MEIOSIN: variants seen among roughly 807,000 people sequenced by gnomAD.
MEIOSIN encodes meiosis initiator, also known as meiosis initiator protein.
In MEIOSIN, 18 loss-of-function variants were observed where a neutral mutation model predicts 23.4. That is an observed-to-expected ratio of 0.77 (90% CI 0.53 to 1.14). The LOEUF is 1.14. Among genes scored for constraint, MEIOSIN ranks in the 50% most tolerant of loss-of-function variants. MEIOSIN has a pLI of 0.00. For missense variants in MEIOSIN, 428 were observed against 242.9 expected (o/e 1.76, Z -5.07); for synonymous variants, 187 against 100.6 (o/e 1.86, Z -5.14).
At chr19:45,749,390 A>G (rs1255132333) in intron 4 of MEIOSIN, among the ~76,000 whole-genome samples, 1 of 146,862 alleles carries the variant, frequency 6.8e-6, no homozygotes, top group Non-Finnish European at 1.5e-5. Flanking sequence ...AAAAAAAAAA[A>G]AAAGGCCGAG....
chr19:45,744,117 C>T (rs1468228882), intron 3 of MEIOSIN, among the ~76,000 whole-genome samples: 1 of 151,572 alleles, frequency 6.6e-6, no homozygotes, highest in East Asian at 1.9e-4. Flanking sequence ...GCTTCCGCCT[C>T]TCAGGTTCAA....
At chr19:45,761,097 A>T (rs574646710) in intron 11 of MEIOSIN, among the ~76,000 whole-genome samples, 2 of 150,188 alleles carry the variant, frequency 1.3e-5, no homozygotes, top group African/African-American at 2.5e-5. Context: ...CTGGTTTTTT[A>T]AATTATTTTT....
intron 3 of MEIOSIN, among the ~76,000 whole-genome samples, chr19:45,741,051 C>T (rs1365305438): frequency 6.6e-6 from 1 of 151,950 alleles, no homozygotes; most frequent in Non-Finnish European, 1.5e-5. Flanking sequence ...TCCCCTTCTT[C>T]CATAGAAAAA....
chr19:45,755,629 A>G (rs1265789568), intron 7 of MEIOSIN, among the ~76,000 whole-genome samples: 3 of 151,792 alleles, frequency 2.0e-5, no homozygotes, highest in African/African-American at 7.3e-5. Flanking sequence ...TTGTATTTTT[A>G]GTAGAGACGG....
At chr19:45,750,638 C>G in intron 4 of MEIOSIN, 37 bp from the exon 5 acceptor site, 1 of 514,818 alleles carries the variant, frequency 1.9e-6, no homozygotes, top group Non-Finnish European at 3.5e-6. Flanking sequence ...TGATTACAGG[C>G]GTGAGCCTGG....
At position 45,745,319 on chromosome 19, in the gene MEIOSIN, A is replaced by C. The variant is rs1251076378; in HGVS notation, c.304A>C (p.Lys102Gln). The change falls in exon 4 of 15, where the codon AAG becomes CAG. Residue 102 changes from lysine to glutamine, a missense_variant and splice_region_variant. Lys to Gln is a moderately conservative substitution (Grantham distance 53). Transcript: ENST00000457052. Reference protein sequence around the residue: ...ALKTGTKKLTKKEILVHVLQY... With the variant: ...ALKTGTKKLTQKEILVHVLQY... ...GAAGACGGGGACCAAGAAGCTCACA[A>C]AGGTACAGGGACTAGAGGAGAGGGG... is the stretch of plus-strand genomic sequence containing the variant. 2 of 702,736 alleles carry C rather than the reference A, an allele frequency of 2.8e-6. No individual in the cohort carries two copies. Among genetic ancestry groups the C allele is most frequent in the African/African-American group, 3.5e-5 (2 of 57,210 alleles). The allele number at this position is 702,736 out of a possible 1,614,324, so 43.5% of individuals were successfully genotyped here.
chr19:45,758,160 A>AT (rs1968868153), intron 9 of MEIOSIN, among the ~76,000 whole-genome samples: 1 of 151,556 alleles, frequency 6.6e-6, no homozygotes, highest in African/African-American at 2.4e-5. Context: ...CGCCTAGCAA[A>AT]TTTTTATATT....
intron 3 of MEIOSIN, among the ~76,000 whole-genome samples, chr19:45,744,217 G>A (rs148412205): frequency 0.026 from 3,940 of 148,794 alleles, 168 homozygotes; most frequent in African/African-American, 0.092. Flanking sequence ...ATGGGTTTTT[G>A]CCATGTTGGC....
chr19:45,761,800 G>GCTCCAGCTCCAT lies in MEIOSIN; in HGVS notation c.1378_1379insTCTCCAGCTCCA (p.Ser459_Ser460insIleSerSerSer). The GCTCCAGCTCCAT allele has an allele frequency of 1.4e-6, 1 of 696,318 alleles. No homozygotes were observed. Among genetic ancestry groups the GCTCCAGCTCCAT allele is most frequent in the South Asian group, 1.5e-5 (1 of 66,456 alleles). The allele number at this position is 696,318 out of a possible 1,614,324, so 43.1% of individuals were successfully genotyped here. On this transcript the variant is annotated inframe_insertion, in exon 12 of 15. Transcript: ENST00000457052. Reference sequence around the variant, plus strand: ...AACAGCAAGGCGCCATCCAGCTCCAGCTCCAGCTCCAGCTCCAGCTCCAGC... The same window carrying GCTCCAGCTCCAT: ...AACAGCAAGGCGCCATCCAGCTCCAGCTCCAGCTCCATCTCCAGCTCCAGCTCCAGCTCCAGC...
intron 8 of MEIOSIN, among the ~76,000 whole-genome samples, chr19:45,756,943 T>G (rs1968841953): frequency 6.6e-6 from 1 of 152,172 alleles, no homozygotes; most frequent in African/African-American, 2.4e-5. Context: ...TCCCTCAGGC[T>G]GAGCCCACTG....
intron 8 of MEIOSIN, 54 bp downstream of exon 8, chr19:45,756,132 G>C (rs970055461): frequency 1.0e-5 from 7 of 697,312 alleles, no homozygotes; most frequent in Non-Finnish European, 1.8e-5. Flanking sequence ...TTGGTCTGGC[G>C]TGGGTGAGGG....
Position 45,757,289 on chromosome 19 carries a change from T to A in MEIOSIN, c.1012+12T>A, listed in dbSNP as rs763162670. ...GAACAGCCCCCAAGGTGACTGCAAC[T>A]CTGTCTCTCCTCCTTGTAGGCTGGT... On this transcript the variant is annotated intron_variant, in intron 9 of 14. Coordinates refer to ENST00000457052, the MANE Select transcript of MEIOSIN (RefSeq NM_001310124.2). 1.6e-5 allele frequency: 11 copies of A among 701,436 alleles called. No homozygotes were observed. The highest frequency in any genetic ancestry group is 2.3e-4 in the Middle Eastern group (1 of 4,364). The allele number at this position is 701,436 out of a possible 1,614,324, so 43.5% of individuals were successfully genotyped here. A position where few individuals can be genotyped will look rare whatever the true frequency, so the allele number is the denominator to read the frequency against.
rs1251615907 is a variant in MEIOSIN, at chr19:45,762,139, C to T, written c.1635C>T (p.Asn545=). The T allele has an allele frequency of 2.6e-5, 11 of 428,460 alleles. No individual in the cohort carries two copies. The highest frequency in any genetic ancestry group is 4.1e-5 in the Non-Finnish European group (10 of 244,034). 26.5% of individuals were successfully genotyped at this position (428,460 alleles called of 1,614,324 possible). ...CPPQMKKKCV[N]GFIMFCRMNR... is the part of the protein sequence containing the mutation. ...CCCAGATGAAGAAGAAGTGTGTCAA[C>T]GGCTTCATCATGTTCTGCAGGATGA... Residue 545 remains asparagine, a synonymous_variant, in exon 13 of 15, where the codon AAC becomes AAT. Coordinates refer to ENST00000457052, the MANE Select transcript of MEIOSIN (RefSeq NM_001310124.2).
chr19:45,734,565 G>A (rs1968378517), intron 1 of MEIOSIN, among the ~76,000 whole-genome samples: 1 of 150,334 alleles, frequency 6.7e-6, no homozygotes, highest in African/African-American at 2.4e-5. Flanking sequence ...GTGCAGTAGT[G>A]CGATTTTAGC....
chr19:45,760,670 T>C (rs1292615619), intron 11 of MEIOSIN, among the ~76,000 whole-genome samples: 1 of 151,990 alleles, frequency 6.6e-6, no homozygotes, highest in Non-Finnish European at 1.5e-5. Flanking sequence ...GGCTCATGCC[T>C]ATACTTCTAG....
At chr19:45,741,167 G>A (rs557362597) in intron 3 of MEIOSIN, among the ~76,000 whole-genome samples, 1 of 152,174 alleles carries the variant, frequency 6.6e-6, no homozygotes, top group Admixed American at 6.6e-5. Flanking sequence ...GGCCAACATG[G>A]TGAAACCCCG....
In MEIOSIN at chr19:45,754,634, T is replaced by A; in HGVS notation, c.712T>A (p.Ser238Thr). 1 of 703,102 alleles carries A rather than the reference T, an allele frequency of 1.4e-6. No individual in the cohort carries two copies. The highest frequency in any genetic ancestry group is 2.6e-6 in the Non-Finnish European group (1 of 385,026). 43.6% of individuals were successfully genotyped at this position (703,102 alleles called of 1,614,324 possible). Residue 238 changes from serine (S) to threonine (T), a missense_variant, in exon 7 of 15, where the codon TCA (serine) becomes ACA (threonine). Ser to Thr is a moderately conservative substitution (Grantham distance 58). Transcript: ENST00000457052. ...CTCCTGCGGTCACCCGAGGCCTGCA[T>A]CATCCTCACCTCCAGGTGACAGAAA... ...PDSCGHPRPA[S>T]SSPPGDRKGG...
chr19:45,761,367 C>T (rs183285064), intron 11 of MEIOSIN, among the ~76,000 whole-genome samples: 3 of 151,500 alleles, frequency 2.0e-5, no homozygotes, highest in Non-Finnish European at 4.4e-5. Flanking sequence ...GGTGATCCTC[C>T]TGCCTCAGCC....
intron 8 of MEIOSIN, among the ~76,000 whole-genome samples, chr19:45,756,404 A>G (rs563323959): frequency 8.6e-4 from 131 of 152,100 alleles, no homozygotes; most frequent in African/African-American, 2.9e-3. Context: ...CCTGCAGCAT[A>G]GAGTCCAATA....
Sources: allele counts gnomAD v4.1 joint callset (sites outside exome capture counted in the v4.1 genomes callset), GRCh38; gene constraint gnomAD v4.1.1; transcripts MANE v1.5; gene names NCBI Gene and HGNC (gene_info 2026-07-23, HGNC 2026-07-21).